Variants in FLRT1 observed in about 807,000 individuals in gnomAD.
FLRT1 encodes fibronectin leucine rich transmembrane protein 1.
In FLRT1, 14 loss-of-function variants were observed where a neutral mutation model predicts 30.9. The observed-to-expected ratio is 0.45, with a 90% CI of 0.30 to 0.71. The LOEUF is 0.71. Among genes scored for constraint, FLRT1 ranks in the 30% least tolerant of loss-of-function variants. FLRT1 has a pLI of 0.08. For missense variants in FLRT1, 737 were observed against 949.2 expected, an observed-to-expected ratio of 0.78 and a Z score of 2.94; for synonymous variants, 368 against 430.4, an observed-to-expected ratio of 0.85 and a Z score of 1.80.
At chr11:64,060,715 C>T (rs1214891731) in intron 1 of FLRT1, 4 of 152,144 alleles carry the variant, frequency 2.6e-5, no homozygotes, top group Non-Finnish European at 5.9e-5. Flanking sequence ...CATTCATCAA[C>T]TTCGAGGCTG....
intron 1 of FLRT1, among the ~76,000 whole-genome samples, chr11:64,098,239 G>A (rs888183706): frequency 6.6e-6 from 1 of 152,182 alleles, no homozygotes; most frequent in Non-Finnish European, 1.5e-5. Context: ...AGGCCCCTCA[G>A]TGCAGCATTC....
At chr11:64,046,182 A>T (rs975113247) in intron 1 of FLRT1, among the ~76,000 whole-genome samples, 8 of 152,102 alleles carry the variant, frequency 5.3e-5, no homozygotes, top group African/African-American at 1.9e-4. Flanking sequence ...TGGCCTCCTG[A>T]GCCTCTGTTC....
chr11:64,065,452 G>A (rs981466949), intron 1 of FLRT1, among the ~76,000 whole-genome samples: 1 of 152,192 alleles, frequency 6.6e-6, no homozygotes, highest in Non-Finnish European at 1.5e-5. Context: ...GCTCCAGAGA[G>A]CCTGGCAGGG....
rs567885596 is a variant in FLRT1, at chr11:64,048,405, G to A, written c.-1038+12246G>A. 2.2e-4 allele frequency among the ~76,000 whole-genome samples: 34 copies of A among 152,302 alleles called. No individual in the cohort carries two copies. In the East Asian group the frequency reaches 6.4e-3, roughly 29 times the overall value. ...TGGAGGCTGGGGGCCTCCCGGGGAG[G>A]GTCTGCCCTGGACCCTCCGTTGGCC... On this transcript the variant is annotated intron_variant, in intron 1 of 2. Coordinates refer to ENST00000682287, the MANE Select transcript of FLRT1 (RefSeq NM_013280.5).
In FLRT1 at chr11:64,082,412, C is replaced by T. The variant is rs544346819; in HGVS notation, c.-1037-20782C>T. On this transcript the variant is annotated intron_variant, in intron 1 of 2. Transcript: ENST00000682287. This position sits in a 1 kb window ranked among gnomAD's most constrained non-coding sequence, Gnocchi z 4.5. Reference sequence around the variant, plus strand: ...GCTGGGAGGGAGCCTGAAGTGGGGGCGTCCTAAGGTGAGGGGCAGGCAGGT... The same window carrying T: ...GCTGGGAGGGAGCCTGAAGTGGGGGTGTCCTAAGGTGAGGGGCAGGCAGGT... Among the ~76,000 whole-genome samples, 10 of 151,120 alleles carry T rather than the reference C, an allele frequency of 6.6e-5. No homozygotes were observed. The highest frequency in any genetic ancestry group is 2.0e-4 in the East Asian group (1 of 5,104).
At position 64,118,889 on chromosome 11, in the gene FLRT1, AT is replaced by A. The variant is rs1159458230; in HGVS notation, c.*598del. On this transcript the variant is annotated 3_prime_UTR_variant, in exon 3 of 3. Transcript: ENST00000682287. ...CCTTGCAGATTTGCAGAAACATGGC[AT>A]CTTTCACTGCATTCTTTGAACAATC... 3 of 166,990 alleles carry A rather than the reference AT, an allele frequency of 1.8e-5. No individual in the cohort carries two copies. The highest frequency in any genetic ancestry group is 7.2e-5 in the African/African-American group (3 of 41,390). 10.3% of individuals were successfully genotyped at this position (166,990 alleles called of 1,614,324 possible). A position where few individuals can be genotyped will look rare whatever the true frequency, so the allele number is the denominator to read the frequency against.
chr11:64,081,615 G>C (rs956978700), intron 1 of FLRT1: 21 of 128,948 alleles, frequency 1.6e-4, no homozygotes, highest in African/African-American at 5.0e-4. Flanking sequence ...AGCAAGGTGA[G>C]GAAGGGGACC....
intron 1 of FLRT1, among the ~76,000 whole-genome samples, chr11:64,037,906 A>G (rs746167030): frequency 1.3e-5 from 2 of 152,164 alleles, no homozygotes; most frequent in Non-Finnish European, 2.9e-5. Context: ...AGCCTGAGCC[A>G]GGGTGCTGCT....
chr11:64,051,165 C>T (rs546653504), intron 1 of FLRT1, among the ~76,000 whole-genome samples: 1 of 152,354 alleles, frequency 6.6e-6, no homozygotes, highest in Admixed American at 6.5e-5. Flanking sequence ...ACCTAGCCAC[C>T]TTACTAGGCC....
At chr11:64,070,671 TC>T (rs1006232004) in intron 1 of FLRT1, among the ~76,000 whole-genome samples, 5 of 152,230 alleles carry the variant, frequency 3.3e-5, no homozygotes, top group African/African-American at 7.2e-5. Flanking sequence ...TCCCAGCTGA[TC>T]GGGGCAGATT....
In FLRT1 at chr11:64,117,083, G is replaced by A. The variant is rs1231463806; in HGVS notation, c.816G>A (p.Leu272=). 8.7e-6 allele frequency: 14 copies of A among 1,603,064 alleles called. No individual in the cohort carries two copies. Among genetic ancestry groups the A allele is most frequent in the Non-Finnish European group, 1.2e-5 (14 of 1,174,990 alleles). Residue 272 remains leucine, a synonymous_variant, in exon 3 of 3, where the codon CTG becomes CTA. Transcript: ENST00000682287. ...CCCTCAACCTGCCCAGCGCCCACCT[G>A]CAGAAGCTCTACCTGCAGGACAATG... ...APPLNLPSAH[L]QKLYLQDNAI... is the part of the protein sequence containing the mutation.
intron 1 of FLRT1, among the ~76,000 whole-genome samples, chr11:64,065,838 C>T (rs541298348): frequency 6.6e-6 from 1 of 151,528 alleles, no homozygotes; most frequent in Non-Finnish European, 1.5e-5. Context: ...CCCCTCTCTC[C>T]ATGCACAGGC....
At chr11:64,101,652 G>A (rs917202597) in intron 1 of FLRT1, among the ~76,000 whole-genome samples, 11 of 152,120 alleles carry the variant, frequency 7.2e-5, no homozygotes, top group East Asian at 1.9e-4. Flanking sequence ...ATGAAATCAC[G>A]CGGGTGGTAA....
At chr11:64,092,773 G>A (rs910511207) in intron 1 of FLRT1, among the ~76,000 whole-genome samples, 1 of 152,204 alleles carries the variant, frequency 6.6e-6, no homozygotes, top group Admixed American at 6.5e-5. Flanking sequence ...CTGAGTAAAC[G>A]GGTGCATGAA....
At chr11:64,039,749 CG>C (rs1286951401) in intron 1 of FLRT1, among the ~76,000 whole-genome samples, 2 of 152,226 alleles carry the variant, frequency 1.3e-5, no homozygotes, top group Non-Finnish European at 2.9e-5. Flanking sequence ...TGCCGCTCCC[CG>C]GGGCCAGCGG....
At chr11:64,097,957 C>G (rs1944607130) in intron 1 of FLRT1, among the ~76,000 whole-genome samples, 1 of 152,058 alleles carries the variant, frequency 6.6e-6, no homozygotes, top group African/African-American at 2.4e-5. Context: ...ACCCACTCAG[C>G]ACCCAGGCCT....
In FLRT1 at chr11:64,117,193, T is replaced by C; in HGVS notation, c.926T>C (p.Leu309Pro). The change falls in exon 3 of 3, where the codon CTG (leucine) becomes CCG (proline). Residue 309 changes from leucine (L) to proline (P), a missense_variant. Physicochemically the swap from Leu to Pro is moderately conservative, Grantham distance 98. Transcript: ENST00000682287. ...LDLSNNNLTT[L>P]PRGLFDDLGN... ...CTGTCCAACAACAACCTGACCACGC[T>C]GCCCCGCGGCCTGTTCGACGACCTG... The C allele has an allele frequency of 6.2e-7, 1 of 1,614,126 alleles. No homozygotes were observed. The highest frequency in any genetic ancestry group is 8.5e-7 in the Non-Finnish European group (1 of 1,180,024).
chr11:64,046,754 G>A (rs1273148519), intron 1 of FLRT1, among the ~76,000 whole-genome samples: 6 of 152,074 alleles, frequency 3.9e-5, no homozygotes. Flanking sequence ...CTGCCTCAAC[G>A]TCCCAAAGTG....
chr11:64,078,736 C>T (rs1446641323), intron 1 of FLRT1, among the ~76,000 whole-genome samples: 3 of 152,032 alleles, frequency 2.0e-5, no homozygotes, highest in Non-Finnish European at 4.4e-5. Flanking sequence ...GGAGGGCACC[C>T]CAAGCTGGGG....
Sources: allele counts gnomAD v4.1 joint callset (sites outside exome capture counted in the v4.1 genomes callset), GRCh38; gene constraint gnomAD v4.1.1; non-coding constraint Gnocchi (gnomAD v3.1); transcripts MANE v1.5; gene names NCBI Gene and HGNC (gene_info 2026-07-23, HGNC 2026-07-21).